Variants in TMEM220 observed in about 807,000 individuals in gnomAD.
The protein encoded by TMEM220 is transmembrane protein 220.
A neutral mutation model predicts 21.7 loss-of-function variants in TMEM220; 21 were observed. The observed-to-expected ratio is 0.97, with a 90% CI of 0.69 to 1.39. TMEM220 has a LOEUF of 1.39. TMEM220 is among the 40% of genes most tolerant of loss of function. The probability of loss-of-function intolerance (pLI) is 0.00; values close to 1 mark genes in which losing one functional copy is unlikely to be tolerated. For missense variants in TMEM220, 191 were observed against 201.9 expected, an observed-to-expected ratio of 0.95 and a Z score of 0.33; for synonymous variants, 80 against 73.6, an observed-to-expected ratio of 1.09 and a Z score of -0.45.
At chr17:10,724,930 C>T (rs1209123182) in intron 4 of TMEM220, 81 bp downstream of exon 4, 2 of 1,574,956 alleles carry the variant, frequency 1.3e-6, no homozygotes, top group East Asian at 4.5e-5. Flanking sequence ...TATCATTGTG[C>T]ACAGATGAGG....
Position 10,718,065 on chromosome 17 carries a change from G to A in TMEM220, c.348-2477C>T, listed in dbSNP as rs146574074. On this transcript the variant is annotated intron_variant, in intron 5 of 5. Coordinates refer to ENST00000341871, the MANE Select transcript of TMEM220 (RefSeq NM_001004313.3). ...TTGAACTCCTGACCTCAGGTGATCC[G>A]CCCACCTCAGCCTCCCAAACTGCTG... Among the ~76,000 whole-genome samples, 144 of 152,068 alleles carry A rather than the reference G, an allele frequency of 9.5e-4. 1 individual carries two copies. In the East Asian group the frequency reaches 0.022, roughly 23 times the overall value.
downstream of TMEM220, among the ~76,000 whole-genome samples, chr17:10,711,892 T>C (rs2074856339): frequency 6.6e-6 from 1 of 152,346 alleles, no homozygotes; most frequent in South Asian, 2.1e-4. Context: ...AAATGGGGAC[T>C]ATTCAGGTGT....
chr17:10,724,229 GT>G (rs2075023232), intron 4 of TMEM220, among the ~76,000 whole-genome samples: 1 of 152,174 alleles, frequency 6.6e-6, no homozygotes, highest in Non-Finnish European at 1.5e-5. Flanking sequence ...GGAGCAAGTG[GT>G]CATGACAAGG....
At position 10,715,532 on chromosome 17, in the gene TMEM220, G is replaced by T; in HGVS notation, c.404C>A (p.Pro135Gln). 1 of 1,605,018 alleles carries T rather than the reference G, an allele frequency of 6.2e-7. No individual in the cohort carries two copies. The highest frequency in any genetic ancestry group is 8.5e-7 in the Non-Finnish European group (1 of 1,177,790). The change falls in exon 6 of 6, where the codon CCA becomes CAA. Residue 135 changes from proline to glutamine, a missense_variant. Pro to Gln is a moderately conservative substitution (Grantham distance 76). Coordinates refer to ENST00000341871, the MANE Select transcript of TMEM220 (RefSeq NM_001004313.3). ...ATATATGTAGACCCATGAGATAAAT[G>T]GGAAAAGTGTGATTACAATGGCAAT... ...LAIAIVITLFPFISWVYIYIN... is the reference protein window; with the variant it reads ...LAIAIVITLFQFISWVYIYIN...
chr17:10,714,492 A>C lies in TMEM220; in HGVS notation c.*961T>G, dbSNP rs968248008. The C allele has an allele frequency of 3.9e-5, 6 of 151,952 alleles. No homozygotes were observed. Among genetic ancestry groups the C allele is most frequent in the African/African-American group, 1.5e-4 (6 of 41,364 alleles). 9.4% of individuals were successfully genotyped at this position (151,952 alleles called of 1,614,324 possible). Reference sequence around the variant, plus strand: ...CATTTAGAATGTAGTTATAGTCCCTATTGCCTTCTTGTTTGGTCCCTAATT... The same window carrying C: ...CATTTAGAATGTAGTTATAGTCCCTCTTGCCTTCTTGTTTGGTCCCTAATT... On this transcript the variant is annotated 3_prime_UTR_variant, in exon 6 of 6. Coordinates refer to ENST00000341871, the MANE Select transcript of TMEM220 (RefSeq NM_001004313.3).
chr17:10,729,051 G>A lies in TMEM220; in HGVS notation c.82C>T (p.Pro28Ser), dbSNP rs1441437172. 1.2e-5 allele frequency: 20 copies of A among 1,614,108 alleles called. No homozygotes were observed. Among genetic ancestry groups the A allele is most frequent in the Non-Finnish European group, 1.7e-5 (20 of 1,180,022 alleles). The part of the protein sequence containing the change: ...ALAALVQVND[P>S]DAEVWVVVYT... ...CTCACCACCCACACCTCTGCATCTG[G>A]GTCATTTACCTGGAACGCCAGAATA... The change falls in exon 2 of 6, where the codon CCA becomes TCA. Residue 28 changes from proline (P) to serine (S), a missense_variant. Pro to Ser is a moderately conservative substitution (Grantham distance 74). Transcript: ENST00000341871.
Position 10,715,068 on chromosome 17 carries a change from A to G in TMEM220, c.*385T>C, listed in dbSNP as rs963856617. The G allele has an allele frequency of 5.8e-6, 1 of 171,842 alleles. No individual in the cohort carries two copies. Among genetic ancestry groups the G allele is most frequent in the African/African-American group, 2.4e-5 (1 of 41,554 alleles). The allele number at this position is 171,842 out of a possible 1,614,324, so 10.6% of individuals were successfully genotyped here. Reference sequence around the variant, plus strand: ...TCTTCAGAGTGTTCTTACATTATCTAGATTGATCCTTGTTACTGTGTAAGT... The same window carrying G: ...TCTTCAGAGTGTTCTTACATTATCTGGATTGATCCTTGTTACTGTGTAAGT... On this transcript the variant is annotated 3_prime_UTR_variant, in exon 6 of 6. Transcript: ENST00000341871.
intron 5 of TMEM220, among the ~76,000 whole-genome samples, chr17:10,722,283 C>G (rs1405992935): frequency 6.6e-6 from 1 of 152,204 alleles, no homozygotes; most frequent in African/African-American, 2.4e-5. Context: ...GTGTGAGCCA[C>G]CTCGCCTGGC....
chr17:10,712,451 T>G (rs542332593), downstream of TMEM220, among the ~76,000 whole-genome samples: 27 of 152,208 alleles, frequency 1.8e-4, no homozygotes, highest in Non-Finnish European at 1.3e-4. Flanking sequence ...CATGTATCTC[T>G]CTGAGGGCCA....
In TMEM220 at chr17:10,714,335, T is replaced by C. The variant is rs1019640713; in HGVS notation, c.*1118A>G. The stretch of plus-strand genomic sequence containing the variant: ...AATACCCAAGTTGTTCCAAACACAA[T>C]TGTAAGTTTTCCAATAATCAAGTAT... On this transcript the variant is annotated 3_prime_UTR_variant, in exon 6 of 6. Transcript: ENST00000341871. The C allele has an allele frequency of 2.0e-5, 3 of 152,020 alleles. No individual in the cohort carries two copies. The highest frequency in any genetic ancestry group is 6.6e-5 in the Admixed American group (1 of 15,266). The allele number at this position is 152,020 out of a possible 1,614,324, so 9.4% of individuals were successfully genotyped here. A position where few individuals can be genotyped will look rare whatever the true frequency, so the allele number is the denominator to read the frequency against.
Position 10,729,160 on chromosome 17 carries a change from G to A in TMEM220, c.73-100C>T. 6 of 1,364,440 alleles carry A rather than the reference G, an allele frequency of 4.4e-6. No individual in the cohort carries two copies. The South Asian group carries it at 6.0e-5, about 14-fold the overall frequency. 84.5% of individuals were successfully genotyped at this position (1,364,440 alleles called of 1,614,324 possible). A position where few individuals can be genotyped will look rare whatever the true frequency, so the allele number is the denominator to read the frequency against. ...TTTTTTATTAATTTGTTAAGTGCCA[G>A]ACACTGCAATAGGCATCGAGGGTAC... On this transcript the variant is annotated intron_variant, in intron 1 of 5. Transcript: ENST00000341871.
At position 10,713,312 on chromosome 17, in the gene TMEM220, T is replaced by TTAA. The variant is rs1345232610; in HGVS notation, c.*2138_*2140dup. ...GATTTTAATAATAGAAATATTAAATTTAATAATAATACTTAAATTCAATTT... is the reference window on the plus strand; with the variant it reads ...GATTTTAATAATAGAAATATTAAATTTAATAATAATAATACTTAAATTCAATTT... On this transcript the variant is annotated 3_prime_UTR_variant, in exon 6 of 6. Coordinates refer to ENST00000341871, the MANE Select transcript of TMEM220 (RefSeq NM_001004313.3). 1.1e-4 allele frequency: 17 copies of TTAA among 151,606 alleles called. No homozygotes were observed. The highest frequency in any genetic ancestry group is 3.3e-4 in the Admixed American group (5 of 15,242). The allele number at this position is 151,606 out of a possible 1,614,324, so 9.4% of individuals were successfully genotyped here.
chr17:10,721,607 AAAAAAAAAAAAAGAAAAAAAG>A (rs1230303375), intron 5 of TMEM220, among the ~76,000 whole-genome samples: 2 of 94,352 alleles, frequency 2.1e-5, no homozygotes, highest in Admixed American at 1.2e-4. Context: ...TCTGTCTCAA[AAAAAAAAAAAAAGAAAAAAAG>A]AAAAAAAAGA....
chr17:10,726,384 C>T, intron 2 of TMEM220, 120 bp from the exon 3 acceptor site: 1 of 806,648 alleles, frequency 1.2e-6, no homozygotes, highest in Non-Finnish European at 2.1e-6. Context: ...CATGATTTGC[C>T]TCTAAGTTTC....
chr17:10,714,496 CCTT>C lies in TMEM220; in HGVS notation c.*954_*956del, dbSNP rs1204036398. 2.0e-5 allele frequency: 3 copies of C among 152,026 alleles called. No individual in the cohort carries two copies. The highest frequency in any genetic ancestry group is 7.2e-5 in the African/African-American group (3 of 41,392). 9.4% of individuals were successfully genotyped at this position (152,026 alleles called of 1,614,324 possible). A position where few individuals can be genotyped will look rare whatever the true frequency, so the allele number is the denominator to read the frequency against. ...TAGAATGTAGTTATAGTCCCTATTG[CCTT>C]CTTGTTTGGTCCCTAATTCCTTTAT... On this transcript the variant is annotated 3_prime_UTR_variant, in exon 6 of 6. Coordinates refer to ENST00000341871, the MANE Select transcript of TMEM220 (RefSeq NM_001004313.3).
chr17:10,724,872 G>C, intron 4 of TMEM220, 139 bp downstream of exon 4: 1 of 1,179,694 alleles, frequency 8.5e-7, no homozygotes, highest in Non-Finnish European at 1.2e-6. Flanking sequence ...AGGTTATAAA[G>C]AAGATAATAC....
chr17:10,729,118 A>T, intron 1 of TMEM220, 58 bp from the exon 2 acceptor site: 1 of 1,596,052 alleles, frequency 6.3e-7, no homozygotes, highest in Non-Finnish European at 8.6e-7. Context: ...CATTCCTTTT[A>T]AATTCATTTA....
rs927753253 is a variant in TMEM220 at position 10,713,552 on chromosome 17, CTGTT to C, written c.*1897_*1900del. On this transcript the variant is annotated 3_prime_UTR_variant, in exon 6 of 6. Transcript: ENST00000341871. ...GCCCACAGGGAATTTGCAAATGAGT[CTGTT>C]TTTTTTTTGCATGTGACTTCAGTAG... is the stretch of plus-strand genomic sequence containing the variant. 1.8e-5 allele frequency: 2 copies of C among 109,732 alleles called. No individual in the cohort carries two copies. Among genetic ancestry groups the C allele is most frequent in the African/African-American group, 8.7e-5 (2 of 22,990 alleles). 6.8% of individuals were successfully genotyped at this position (109,732 alleles called of 1,614,324 possible). A position where few individuals can be genotyped will look rare whatever the true frequency, so the allele number is the denominator to read the frequency against.
At chr17:10,720,101 C>T (rs1463565983) in intron 5 of TMEM220, among the ~76,000 whole-genome samples, 1 of 152,148 alleles carries the variant, frequency 6.6e-6, no homozygotes, top group East Asian at 1.9e-4. Context: ...CACTGTTAGC[C>T]ATGGCTGGTT....
Sources: gnomAD v4.1 joint callset for allele counts (sites outside exome capture counted in the v4.1 genomes callset) on GRCh38, gnomAD v4.1.1 for gene constraint, MANE v1.5 for transcripts, NCBI Gene and HGNC (gene_info 2026-07-23, HGNC 2026-07-21) for gene names.